The following CSMD1 variants were observed in gnomAD, a reference collection of about 807,000 sequenced individuals.
The protein encoded by CSMD1 is CUB and sushi domain-containing protein 1.
A neutral mutation model predicts 417.5 loss-of-function variants in CSMD1; 213 were observed. The observed-to-expected ratio is 0.51, with a 90% CI of 0.46 to 0.57. The LOEUF is 0.57. CSMD1 is among the 20% of genes least tolerant of loss of function. CSMD1 has a pLI of 0.00. For synonymous variants in CSMD1, 2,862 were observed against 1,736.8 expected (o/e 1.65, Z -16.11); for missense variants, 6,923 against 4,529.7 (o/e 1.53, Z -15.17).
intron 5 of CSMD1, among the ~76,000 whole-genome samples, chr8:3,797,767 C>A (rs75527038): frequency 1.3e-5 from 2 of 151,868 alleles, no homozygotes; most frequent in African/African-American, 4.8e-5. Flanking sequence ...TTTCATTAAA[C>A]GTGATAAAAC....
intron 5 of CSMD1, among the ~76,000 whole-genome samples, chr8:3,959,004 T>A (rs2740839): frequency 6.6e-6 from 1 of 151,600 alleles, no homozygotes; most frequent in Non-Finnish European, 1.5e-5. Flanking sequence ...TGCGTCTCCC[T>A]CCTCCCTACT....
At chr8:3,298,160 A>C (rs1177273980) in intron 25 of CSMD1, among the ~76,000 whole-genome samples, 2 of 152,174 alleles carry the variant, frequency 1.3e-5, no homozygotes, top group Non-Finnish European at 2.9e-5. Context: ...AAGAATAACC[A>C]CTTTGGAAAA....
Position 3,052,462 on chromosome 8 carries a change from G to C in CSMD1, c.7660C>G (p.Pro2554Ala), listed in dbSNP as rs370169110. 1.0e-5 allele frequency: 16 copies of C among 1,566,930 alleles called. No individual in the cohort carries two copies. The highest frequency in any genetic ancestry group is 1.2e-5 in the Non-Finnish European group (14 of 1,155,034). Residue 2554 changes from proline (P) to alanine (A), a missense_variant and splice_region_variant, in exon 50 of 70, where the codon CCG (proline) becomes GCG (alanine). By Grantham distance (27) the Pro-to-Ala change is conservative (BLOSUM62 -1). Coordinates refer to ENST00000635120, the MANE Select transcript of CSMD1 (RefSeq NM_033225.6). ...SNKGKPPTCK[P>A]VACPSIEAQL... ...TGGGCAGATGCCCCTGAACACTTAC[G>C]CTTACACGTGGGCGGCTTCCCCTTG... is the stretch of plus-strand genomic sequence containing the variant.
chr8:4,007,173 G>T (rs895857321), intron 4 of CSMD1, among the ~76,000 whole-genome samples: 1 of 152,008 alleles, frequency 6.6e-6, no homozygotes, highest in Non-Finnish European at 1.5e-5. Flanking sequence ...ATCAAGCACT[G>T]ATGCCCACTT....
chr8:3,955,308 G>C (rs532790570), intron 5 of CSMD1, among the ~76,000 whole-genome samples: 2 of 152,304 alleles, frequency 1.3e-5, no homozygotes, highest in East Asian at 1.9e-4. Flanking sequence ...CACACATCCA[G>C]TGTGTTCTTG....
chr8:4,864,820 T>C lies in CSMD1; in HGVS notation c.85+129512A>G, dbSNP rs187487328. On this transcript the variant is annotated intron_variant, in intron 1 of 69. Transcript: ENST00000635120. ...TTTTGTATTCTCTGTAATCTTTTCATTGTATATAACATTTAAAGTAATTGG... is the reference window on the plus strand; with the variant it reads ...TTTTGTATTCTCTGTAATCTTTTCACTGTATATAACATTTAAAGTAATTGG... Among the ~76,000 whole-genome samples, 85 of 151,198 alleles carry C rather than the reference T, an allele frequency of 5.6e-4. 1 individual carries two copies. Among genetic ancestry groups the C allele is most frequent in the African/African-American group, 2.0e-3 (81 of 41,260 alleles).
chr8:4,720,445 T>A (rs1808979445), intron 1 of CSMD1, among the ~76,000 whole-genome samples: 1 of 152,098 alleles, frequency 6.6e-6, no homozygotes, highest in Non-Finnish European at 1.5e-5. Context: ...TGAGATGGAG[T>A]CTTGCTCTGT....
intron 12 of CSMD1, among the ~76,000 whole-genome samples, chr8:3,460,013 C>T (rs192925410): frequency 1.3e-5 from 2 of 152,212 alleles, no homozygotes; most frequent in Non-Finnish European, 2.9e-5. Context: ...GCTATACAAC[C>T]TGCAGCTTCT....
At chr8:3,295,429 A>G (rs11785385) in intron 25 of CSMD1, among the ~76,000 whole-genome samples, 78,595 of 151,982 alleles carry the variant, frequency 0.52, 21,814 homozygotes, top group South Asian at 0.63. Flanking sequence ...CCCAGCCTCA[A>G]TTTGCTTTTG....
intron 3 of CSMD1, among the ~76,000 whole-genome samples, chr8:4,381,866 T>G (rs904054916): frequency 6.6e-6 from 1 of 152,180 alleles, no homozygotes; most frequent in African/African-American, 2.4e-5. Context: ...TAGGCTCTCT[T>G]TGCGGACCTT....
intron 65 of CSMD1, among the ~76,000 whole-genome samples, chr8:2,951,958 G>A (rs1193795099): frequency 2.6e-5 from 4 of 152,050 alleles, no homozygotes; most frequent in Non-Finnish European, 4.4e-5. Flanking sequence ...GTAATGAAAG[G>A]CAGTCTTTTT....
chr8:4,454,323 G>A (rs1010415869), intron 2 of CSMD1, among the ~76,000 whole-genome samples: 1 of 152,120 alleles, frequency 6.6e-6, no homozygotes, highest in Non-Finnish European at 1.5e-5. Context: ...CCGCATCCTT[G>A]TCAGTAGACA....
chr8:4,451,393 G>A (rs1016587016), intron 2 of CSMD1, among the ~76,000 whole-genome samples: 1 of 152,116 alleles, frequency 6.6e-6, no homozygotes, highest in Non-Finnish European at 1.5e-5. Flanking sequence ...GATAATTATT[G>A]AACATGTGCT....
intron 1 of CSMD1, among the ~76,000 whole-genome samples, chr8:4,905,448 C>G (rs930518972): frequency 7.2e-5 from 11 of 152,134 alleles, no homozygotes; most frequent in African/African-American, 2.7e-4. Context: ...GTAAAAGACT[C>G]TCACTTTCTG....
At chr8:3,791,774 C>T (rs10089634) in intron 5 of CSMD1, among the ~76,000 whole-genome samples, 35,419 of 151,880 alleles carry the variant, frequency 0.23, 4,766 homozygotes, top group Non-Finnish European at 0.3. Context: ...AGTGAGCCGA[C>T]GTCGCAGCAC....
At chr8:2,949,905 G>A (rs967964870) in intron 67 of CSMD1, among the ~76,000 whole-genome samples, 6 of 152,018 alleles carry the variant, frequency 3.9e-5, no homozygotes, top group South Asian at 2.1e-4. Flanking sequence ...GTTATCAAGC[G>A]GTCTTGGAAA....
At chr8:3,378,235 T>A (rs1440597473) in intron 18 of CSMD1, among the ~76,000 whole-genome samples, 1 of 152,154 alleles carries the variant, frequency 6.6e-6, no homozygotes, top group African/African-American at 2.4e-5. Context: ...AAAAACAAGT[T>A]CTGAAATTGA....
chr8:4,194,235 C>G (rs1584998797), intron 3 of CSMD1, among the ~76,000 whole-genome samples: 1 of 152,200 alleles, frequency 6.6e-6, no homozygotes, highest in Admixed American at 6.5e-5. Flanking sequence ...AACACTGCTG[C>G]TTTTAACACC....
chr8:3,901,036 A>G (rs979262893), intron 5 of CSMD1, among the ~76,000 whole-genome samples: 2 of 152,224 alleles, frequency 1.3e-5, no homozygotes, highest in Non-Finnish European at 2.9e-5. Context: ...TACTTTGGTA[A>G]TAAGATGGCT....
Sources: allele counts gnomAD v4.1 joint callset (sites outside exome capture counted in the v4.1 genomes callset), GRCh38; gene constraint gnomAD v4.1.1; transcripts MANE v1.5; gene names NCBI Gene and HGNC (gene_info 2026-07-23, HGNC 2026-07-21).